The following CYP27C1 variants were observed in gnomAD, a reference collection of about 807,000 sequenced individuals.
CYP27C1 encodes cytochrome P450 family 27 subfamily C member 1.
Under a neutral mutation model 40.6 loss-of-function variants are expected in CYP27C1, and 29 were observed. The observed-to-expected ratio is 0.71, with a 90% confidence interval of 0.53 to 0.97. CYP27C1 has a LOEUF of 0.97. Ranked by LOEUF, CYP27C1 falls within the 50% of genes least tolerant of loss-of-function variation. CYP27C1 has a pLI of 0.00. For missense variants in CYP27C1, 390 were observed against 485.8 expected, an observed-to-expected ratio of 0.80 and a Z score of 1.85; for synonymous variants, 198 against 186.8, an observed-to-expected ratio of 1.06 and a Z score of -0.49.
At chr2:127,205,356 G>A (rs530160153) in intron 2 of CYP27C1, among the ~76,000 whole-genome samples, 101 of 152,302 alleles carry the variant, frequency 6.6e-4, no homozygotes, top group Non-Finnish European at 1.0e-3. Context: ...GATTTGGACC[G>A]GGGCATCTGC....
In CYP27C1 at chr2:127,187,256, G is replaced by A; in HGVS notation, c.*15C>T. On this transcript the variant is annotated 3_prime_UTR_variant, in exon 9 of 9. Coordinates refer to ENST00000664447, the MANE Select transcript of CYP27C1 (RefSeq NM_001367502.1). Reference sequence around the variant, plus strand: ...GAGCTGGTCTGCTACATCAGCCCAGGTTTAAAATCTAGGCTTACTTTCTGT... The same window carrying A: ...GAGCTGGTCTGCTACATCAGCCCAGATTTAAAATCTAGGCTTACTTTCTGT... 1.2e-6 allele frequency: 2 copies of A among 1,604,062 alleles called. No individual in the cohort carries two copies. The highest frequency in any genetic ancestry group is 4.5e-5 in the East Asian group (2 of 44,840).
chr2:127,192,759 G>A (rs1292661227), intron 8 of CYP27C1, among the ~76,000 whole-genome samples: 6 of 48,858 alleles, frequency 1.2e-4, no homozygotes, highest in African/African-American at 4.6e-4. Context: ...TAGCCACGCG[G>A]TTGGAGGACA....
Position 127,193,255 on chromosome 2 carries a change from C to T in CYP27C1, c.1336G>A (p.Glu446Lys). 2 of 1,614,214 alleles carry T rather than the reference C, an allele frequency of 1.2e-6. No homozygotes were observed. The highest frequency in any genetic ancestry group is 1.7e-6 in the Non-Finnish European group (2 of 1,180,042). Residue 446 changes from glutamate to lysine, a missense_variant, in exon 8 of 9, where the codon GAG (glutamate) becomes AAG (lysine). Transcript: ENST00000664447. ...LCHYATSYQDENFPRAKEFRP... is the reference protein window; with the variant it reads ...LCHYATSYQDKNFPRAKEFRP... ...AACTCCTTGGCCCGAGGGAAGTTCT[C>T]ATCCTGGTACGATGTGGCATAGTGG...
At position 127,220,215 on chromosome 2, in the gene CYP27C1, C is replaced by T. The variant is rs1201578856; in HGVS notation, c.56G>A (p.Gly19Asp). Reference protein sequence around the residue: ...RAGLRPAPERGGLLGGGAPRR... With the variant: ...RAGLRPAPERDGLLGGGAPRR... ...CGGGGCCCCGCCGCCCAGGAGCCCA[C>T]CCCGCTCGGGCGCCGGCCGCAGCCC... Residue 19 changes from glycine to aspartate, a missense_variant, in exon 1 of 9, where the codon GGT becomes GAT. By Grantham distance (94) the Gly-to-Asp change is moderately conservative. Coordinates refer to ENST00000664447, the MANE Select transcript of CYP27C1 (RefSeq NM_001367502.1). This position sits in a 1 kb window ranked among gnomAD's most constrained non-coding sequence, Gnocchi z 4.6. 1 of 150,792 alleles carries T rather than the reference C, an allele frequency of 6.6e-6. No individual in the cohort carries two copies. The highest frequency in any genetic ancestry group is 1.5e-5 in the Non-Finnish European group (1 of 67,626). 9.3% of individuals were successfully genotyped at this position (150,792 alleles called of 1,614,324 possible).
chr2:127,209,948 T>C lies in CYP27C1; in HGVS notation c.283-3858A>G. Reference sequence around the variant, plus strand: ...ACAAGCTGGAAAACACACTTCATGATATTATCAAGGAGAACTTCCTCAACC... The same window carrying C: ...ACAAGCTGGAAAACACACTTCATGACATTATCAAGGAGAACTTCCTCAACC... On this transcript the variant is annotated intron_variant, in intron 1 of 8. Transcript: ENST00000664447. The surrounding 1 kb of genome is among the most constrained non-coding windows in gnomAD (Gnocchi z 4.1). Among the ~76,000 whole-genome samples, 1 of 152,192 alleles carries C rather than the reference T, an allele frequency of 6.6e-6. No homozygotes were observed. Among genetic ancestry groups the C allele is most frequent in the East Asian group, 1.9e-4 (1 of 5,202 alleles).
At position 127,216,410 on chromosome 2, in the gene CYP27C1, A is replaced by G. The variant is rs193295401; in HGVS notation, c.282+3579T>C. On this transcript the variant is annotated intron_variant, in intron 1 of 8. Coordinates refer to ENST00000664447, the MANE Select transcript of CYP27C1 (RefSeq NM_001367502.1). ...GCTACAACATGAGTGAACCTTAAAA[A>G]CATTATACTGAAATGTTTAAAGTGA... Among the ~76,000 whole-genome samples, 5 of 152,362 alleles carry G rather than the reference A, an allele frequency of 3.3e-5. No individual in the cohort carries two copies. In the East Asian group the frequency reaches 9.6e-4, roughly 29 times the overall value.
chr2:127,204,555 GAGAAAGAAAGAAAGAAAGAAAGAA>G (rs1169099297), intron 2 of CYP27C1, among the ~76,000 whole-genome samples: 3 of 39,152 alleles, frequency 7.7e-5, no homozygotes, highest in African/African-American at 1.9e-4. Context: ...GAGAGAGAGA[GAGAAAGAAAGAAAGAAAGAAAGAA>G]AGAAAGAAAG....
chr2:127,199,376 C>T lies in CYP27C1; in HGVS notation c.1047G>A (p.Thr349=), dbSNP rs138626696. 360 of 1,613,844 alleles carry T rather than the reference C, an allele frequency of 2.2e-4. 1 individual carries two copies. The highest frequency in any genetic ancestry group is 6.2e-4 in the Admixed American group (37 of 60,008). Residue 349 remains threonine, a splice_region_variant and synonymous_variant, in exon 5 of 9, where the codon ACG becomes ACA. Coordinates refer to ENST00000664447, the MANE Select transcript of CYP27C1 (RefSeq NM_001367502.1). ...CTGAGAACAGGACCCCCAGACTCACCGTGTCGACGCCGGCCAGCAGCATCT... is the reference window on the plus strand; with the variant it reads ...CTGAGAACAGGACCCCCAGACTCACTGTGTCGACGCCGGCCAGCAGCATCT... ...VTEMLLAGVD[T]TSFTLSWTVY...
At position 127,205,345 on chromosome 2, in the gene CYP27C1, G is replaced by A. The variant is rs377149468; in HGVS notation, c.473+555C>T. Among the ~76,000 whole-genome samples the A allele has an allele frequency of 2.6e-4, 39 of 152,296 alleles. No homozygotes were observed. The South Asian group carries it at 8.1e-3, about 32-fold the overall frequency. ...TGCAAACAGAAGTCCCACCCCATGG[G>A]GATTTGGACCGGGGCATCTGCAGGC... On this transcript the variant is annotated intron_variant, in intron 2 of 8. Transcript: ENST00000664447.
intron 8 of CYP27C1, among the ~76,000 whole-genome samples, chr2:127,188,818 T>G (rs888721389): frequency 6.6e-6 from 1 of 152,126 alleles, no homozygotes; most frequent in African/African-American, 2.4e-5. Flanking sequence ...TTTAAATAAT[T>G]AAGAGTCAGA....
At chr2:127,192,311 G>C (rs537992638) in intron 8 of CYP27C1, among the ~76,000 whole-genome samples, 3 of 152,114 alleles carry the variant, frequency 2.0e-5, no homozygotes, top group Non-Finnish European at 4.4e-5. Flanking sequence ...CCCAAACTTC[G>C]GGCCAAGGTT....
rs1423518705 is a variant in CYP27C1 at position 127,219,585 on chromosome 2, C to T, written c.282+404G>A. Among the ~76,000 whole-genome samples the T allele has an allele frequency of 6.6e-6, 1 of 151,930 alleles. No individual in the cohort carries two copies. The highest frequency in any genetic ancestry group is 1.9e-4 in the East Asian group (1 of 5,140). On this transcript the variant is annotated intron_variant, in intron 1 of 8. Coordinates refer to ENST00000664447, the MANE Select transcript of CYP27C1 (RefSeq NM_001367502.1). This position sits in a 1 kb window ranked among gnomAD's most constrained non-coding sequence, Gnocchi z 8.7. Reference sequence around the variant, plus strand: ...CCCGGCTGGGGCCCCTCCAGGGGACCCCTCCCTGCCGCCACCTCCCGAGAC... The same window carrying T: ...CCCGGCTGGGGCCCCTCCAGGGGACTCCTCCCTGCCGCCACCTCCCGAGAC...
chr2:127,213,712 C>A (rs548470759), intron 1 of CYP27C1, among the ~76,000 whole-genome samples: 6 of 152,210 alleles, frequency 3.9e-5, no homozygotes, highest in Non-Finnish European at 8.8e-5. Flanking sequence ...CCATAAAAAC[C>A]CTAGAAGAAA....
At position 127,199,517 on chromosome 2, in the gene CYP27C1, CTTG is replaced by C. The variant is rs1243259261; in HGVS notation, c.903_905del (p.Asn301del). 1.9e-6 allele frequency: 3 copies of C among 1,613,654 alleles called. No homozygotes were observed. The highest frequency in any genetic ancestry group is 2.2e-5 in the East Asian group (1 of 44,872). ...CCATTTGGTACTGTATGTCCCTCAA[CTTG>C]TTGTCAACATGAATTTGGCCTGTTT... On this transcript the variant is annotated inframe_deletion, in exon 5 of 9. Coordinates refer to ENST00000664447, the MANE Select transcript of CYP27C1 (RefSeq NM_001367502.1).
intron 8 of CYP27C1, among the ~76,000 whole-genome samples, chr2:127,190,122 C>G (rs1682730371): frequency 6.6e-6 from 1 of 152,116 alleles, no homozygotes; most frequent in African/African-American, 2.4e-5. Context: ...TTGATCTGCT[C>G]TCACTGATTC....
Position 127,183,858 on chromosome 2 carries a change from A to T in CYP27C1, c.*3413T>A, listed in dbSNP as rs1321565544. Among the ~76,000 whole-genome samples the T allele has an allele frequency of 6.6e-6, 1 of 152,202 alleles. No homozygotes were observed. The highest frequency in any genetic ancestry group is 1.5e-5 in the Non-Finnish European group (1 of 68,040). On this transcript the variant is annotated 3_prime_UTR_variant, in exon 9 of 9. Transcript: ENST00000664447. This position sits in a 1 kb window ranked among gnomAD's most constrained non-coding sequence, Gnocchi z 5.1. The stretch of plus-strand genomic sequence containing the variant: ...TTTGTTTCTGAAGGCATCTTTTATT[A>T]CGGAAATGTTCACACGTACACAAAG...
chr2:127,188,355 T>C (rs1167950350), intron 8 of CYP27C1, among the ~76,000 whole-genome samples: 1 of 152,196 alleles, frequency 6.6e-6, no homozygotes, highest in Non-Finnish European at 1.5e-5. Context: ...TCCTCCAACC[T>C]CAGCCTCCTC....
At position 127,192,382 on chromosome 2, in the gene CYP27C1, C is replaced by T. The variant is rs916077969; in HGVS notation, c.1497+712G>A. 5.3e-5 allele frequency among the ~76,000 whole-genome samples: 8 copies of T among 152,278 alleles called. 1 individual carries two copies. The highest frequency in any genetic ancestry group is 1.9e-4 in the East Asian group (1 of 5,180). On this transcript the variant is annotated intron_variant, in intron 8 of 8. Coordinates refer to ENST00000664447, the MANE Select transcript of CYP27C1 (RefSeq NM_001367502.1). ...AGAGGCTAATGGGTGGAATTTTCTC[C>T]GCCATTGACTTTACTTTTATAAAAT...
chr2:127,202,743 G>GTT (rs558081094), intron 3 of CYP27C1, among the ~76,000 whole-genome samples: 1 of 144,440 alleles, frequency 6.9e-6, no homozygotes, highest in Non-Finnish European at 1.5e-5. Context: ...CAAACAAAAT[G>GTT]TTTTTTTTTT....
Sources: allele counts gnomAD v4.1 joint callset (sites outside exome capture counted in the v4.1 genomes callset), GRCh38; gene constraint gnomAD v4.1.1; non-coding constraint Gnocchi (gnomAD v3.1); transcripts MANE v1.5; gene names NCBI Gene and HGNC (gene_info 2026-07-23, HGNC 2026-07-21).